KCNK2: variants seen among roughly 807,000 people sequenced by gnomAD.
KCNK2 encodes potassium two pore domain channel subfamily K member 2.
KCNK2 carries 21 observed loss-of-function variants against 40.5 expected under a neutral mutation model. The observed-to-expected ratio is 0.52, with a 90% CI of 0.37 to 0.75. KCNK2 has a LOEUF of 0.75. Among genes scored for constraint, KCNK2 ranks in the 30% least tolerant of loss-of-function variants. KCNK2 has a pLI of 0.00. For synonymous variants in KCNK2, 191 were observed against 202.2 expected (o/e 0.94, Z 0.47); for missense variants, 399 against 531.6 (o/e 0.75, Z 2.45).
rs1658264557 is a variant in KCNK2 at position 215,059,040 on chromosome 1, TATG to T, written c.35-27327_35-27325del. ...GAGTGTATGTATGTATGTGTGTGTG[TATG>T]CACATATACATGTGTATATATATAT... On this transcript the variant is annotated intron_variant, in intron 1 of 6. Transcript: ENST00000391895. Among the ~76,000 whole-genome samples the T allele has an allele frequency of 9.7e-4, 145 of 149,372 alleles. 5 individuals are homozygous for T. In the South Asian group the frequency reaches 0.033, roughly 34 times the overall value.
chr1:215,174,143 T>C (rs1486079912), intron 5 of KCNK2, among the ~76,000 whole-genome samples: 1 of 152,194 alleles, frequency 6.6e-6, no homozygotes, highest in Non-Finnish European at 1.5e-5. Flanking sequence ...GAATTAATTT[T>C]TGTATAAGGT....
At chr1:215,221,200 C>A (rs1666157207) in intron 6 of KCNK2, among the ~76,000 whole-genome samples, 1 of 152,114 alleles carries the variant, frequency 6.6e-6, no homozygotes, top group South Asian at 2.1e-4. Context: ...ATGGTGAAAC[C>A]CCATCTCTAC....
Position 215,169,187 on chromosome 1 carries a change from A to T in KCNK2, c.476-12A>T, listed in dbSNP as rs1283112075. On this transcript the variant is annotated splice_polypyrimidine_tract_variant and intron_variant, in intron 3 of 6. Coordinates refer to ENST00000444842, the MANE Select transcript of KCNK2 (RefSeq NM_001017425.3). ...CTATTATTCATTTGTAAACAATGTA[A>T]TTTTTTTAAAGGATTTGGAAACATC... 3 of 1,583,614 alleles carry T rather than the reference A, an allele frequency of 1.9e-6. No homozygotes were observed. Among genetic ancestry groups the T allele is most frequent in the Non-Finnish European group, 2.6e-6 (3 of 1,166,260 alleles).
intron 6 of KCNK2, among the ~76,000 whole-genome samples, chr1:215,230,110 C>T (rs1367990386): frequency 2.1e-4 from 31 of 147,230 alleles, no homozygotes; most frequent in African/African-American, 6.2e-4. Context: ...CACACACACA[C>T]ACACACACAC....
intron 6 of KCNK2, among the ~76,000 whole-genome samples, chr1:215,224,767 T>G (rs548330253): frequency 2.4e-4 from 37 of 152,278 alleles, no homozygotes; most frequent in Non-Finnish European, 4.6e-4. Context: ...GAATTACACT[T>G]TAGTCAAAAA....
chr1:215,056,048 G>A (rs576554627), intron 1 of KCNK2, among the ~76,000 whole-genome samples: 1 of 152,212 alleles, frequency 6.6e-6, no homozygotes, highest in East Asian at 1.9e-4. Flanking sequence ...GCTCATGCCT[G>A]TAATCCCAGC....
intron 6 of KCNK2, among the ~76,000 whole-genome samples, chr1:215,201,096 G>C (rs1665063866): frequency 6.6e-6 from 1 of 152,102 alleles, no homozygotes; most frequent in African/African-American, 2.4e-5. Flanking sequence ...ACAGAACCTG[G>C]AGTAACACCT....
intron 3 of KCNK2, among the ~76,000 whole-genome samples, chr1:215,150,901 A>G (rs933642031): frequency 4.6e-5 from 7 of 151,944 alleles, no homozygotes; most frequent in Non-Finnish European, 8.8e-5. Context: ...TAATGATAAA[A>G]ATAGTTGTAA....
intron 2 of KCNK2, among the ~76,000 whole-genome samples, chr1:215,096,660 A>G (rs965383900): frequency 1.3e-5 from 2 of 152,018 alleles, no homozygotes. Context: ...AGTAGCTTTA[A>G]GAATCTTCAT....
intron 1 of KCNK2, among the ~76,000 whole-genome samples, chr1:215,085,581 T>C (rs1343444185): frequency 6.6e-6 from 1 of 152,148 alleles, no homozygotes; most frequent in Non-Finnish European, 1.5e-5. Flanking sequence ...TGAGCCACGG[T>C]TTTCATTTTT....
intron 1 of KCNK2, among the ~76,000 whole-genome samples, chr1:215,006,249 G>A (rs1558053551): frequency 6.6e-6 from 1 of 152,102 alleles, no homozygotes; most frequent in Non-Finnish European, 1.5e-5. Flanking sequence ...ATCAACATGT[G>A]TATCTATAAA....
At chr1:215,086,827 G>T in intron 2 of KCNK2, 149 bp downstream of exon 2, 2 of 659,306 alleles carry the variant, frequency 3.0e-6, no homozygotes, top group South Asian at 2.0e-5. Flanking sequence ...CTTTTCCCCA[G>T]TTTCTTTGTC....
chr1:215,116,079 T>TA (rs757243184), intron 2 of KCNK2, among the ~76,000 whole-genome samples: 10 of 151,934 alleles, frequency 6.6e-5, no homozygotes, highest in Non-Finnish European at 1.2e-4. Flanking sequence ...ACAAGTCAGC[T>TA]AATGGTTACT....
intron 1 of KCNK2, among the ~76,000 whole-genome samples, chr1:215,022,189 A>G (rs1388913076): frequency 1.4e-5 from 2 of 138,400 alleles, no homozygotes; most frequent in African/African-American, 2.5e-5. Flanking sequence ...GGAGCACTCT[A>G]ACAGTCAATT....
At chr1:215,200,219 C>T (rs775972412) in intron 6 of KCNK2, among the ~76,000 whole-genome samples, 1 of 152,132 alleles carries the variant, frequency 6.6e-6, no homozygotes, top group Non-Finnish European at 1.5e-5. Context: ...GAAAGACTGT[C>T]CCTGAATTTT....
At chr1:215,149,301 G>A (rs1444742717) in intron 3 of KCNK2, among the ~76,000 whole-genome samples, 1 of 152,116 alleles carries the variant, frequency 6.6e-6, no homozygotes, top group Admixed American at 6.5e-5. Flanking sequence ...TGGCCCTGTG[G>A]TGACAATTTA....
chr1:215,071,527 C>G (rs1365498016), intron 1 of KCNK2, among the ~76,000 whole-genome samples: 1 of 152,040 alleles, frequency 6.6e-6, no homozygotes, highest in African/African-American at 2.4e-5. Flanking sequence ...AAACACATCC[C>G]CATCTGAAGC....
At chr1:215,228,977 C>T (rs922030185) in intron 6 of KCNK2, among the ~76,000 whole-genome samples, 14 of 152,046 alleles carry the variant, frequency 9.2e-5, no homozygotes, top group African/African-American at 2.7e-4. Flanking sequence ...ACCCATGGGC[C>T]GTGGGCTGCA....
At chr1:215,166,707 GA>G (rs1283452313) in intron 3 of KCNK2, among the ~76,000 whole-genome samples, 1 of 151,976 alleles carries the variant, frequency 6.6e-6, no homozygotes, top group African/African-American at 2.4e-5. Flanking sequence ...CCTTGAACCA[GA>G]ATCTTCCATA....
Sources: gnomAD v4.1 joint callset for allele counts (sites outside exome capture counted in the v4.1 genomes callset) on GRCh38, gnomAD v4.1.1 for gene constraint, MANE v1.5 for transcripts, NCBI Gene and HGNC (gene_info 2026-07-23, HGNC 2026-07-21) for gene names.